HS6ST3: variants seen among roughly 807,000 people sequenced by gnomAD.
HS6ST3 encodes the protein heparan sulfate 6-O-sulfotransferase 3.
HS6ST3 carries 12 observed loss-of-function variants against 36.7 expected under a neutral mutation model. The observed-to-expected ratio is 0.33, with a 90% CI of 0.21 to 0.53. HS6ST3 has a LOEUF of 0.53. Ranked by LOEUF, HS6ST3 falls within the 20% of genes least tolerant of loss-of-function variation. The pLI, the probability that HS6ST3 is intolerant of heterozygous loss-of-function variation, is 0.95. For missense variants in HS6ST3, 584 were observed against 640.9 expected (o/e 0.91, Z 0.96); for synonymous variants, 240 against 257.5 (o/e 0.93, Z 0.65).
rs146217730 is a variant in HS6ST3, at chr13:96,740,456, A to G, written c.708-92034A>G. 8.5e-5 allele frequency among the ~76,000 whole-genome samples: 13 copies of G among 152,346 alleles called. No individual in the cohort carries two copies. In the East Asian group the frequency reaches 2.3e-3, roughly 27 times the overall value. ...TGTATGCTTGTGTTATATATTTAAA[A>G]CAATCAAATTCAATTATTTACAAAC... On this transcript the variant is annotated intron_variant, in intron 1 of 1. Transcript: ENST00000376705.
At chr13:96,374,593 C>A (rs558471164) in intron 1 of HS6ST3, among the ~76,000 whole-genome samples, 10 of 152,232 alleles carry the variant, frequency 6.6e-5, no homozygotes, top group African/African-American at 2.4e-4. Context: ...CCATCTTCTG[C>A]AAAGACCTTG....
chr13:96,667,268 G>A (rs1222788429), intron 1 of HS6ST3, among the ~76,000 whole-genome samples: 3 of 152,134 alleles, frequency 2.0e-5, no homozygotes, highest in Admixed American at 6.5e-5. Flanking sequence ...AAGTTGTAAC[G>A]AAATCTTCTG....
intron 1 of HS6ST3, among the ~76,000 whole-genome samples, chr13:96,548,583 TC>T (rs1387932054): frequency 2.6e-5 from 4 of 152,312 alleles, no homozygotes; most frequent in African/African-American, 9.6e-5. Flanking sequence ...TATGAATCTA[TC>T]TATCTATGTA....
At chr13:96,803,161 T>G (rs1402297624) in intron 1 of HS6ST3, among the ~76,000 whole-genome samples, 1 of 150,628 alleles carries the variant, frequency 6.6e-6, no homozygotes, top group Non-Finnish European at 1.5e-5. Context: ...ATTCCCCCAG[T>G]GGAGGCTGGA....
At chr13:96,504,243 C>T (rs1045031079) in intron 1 of HS6ST3, among the ~76,000 whole-genome samples, 4 of 152,132 alleles carry the variant, frequency 2.6e-5, no homozygotes, top group African/African-American at 9.7e-5. Flanking sequence ...GGTCACATAG[C>T]TGATGAAAGG....
intron 1 of HS6ST3, among the ~76,000 whole-genome samples, chr13:96,316,815 T>G (rs142786781): frequency 2.0e-5 from 3 of 152,192 alleles, no homozygotes; most frequent in Non-Finnish European, 2.9e-5. Context: ...GTATCCCATC[T>G]AAAGCAACAT....
intron 1 of HS6ST3, among the ~76,000 whole-genome samples, chr13:96,092,553 A>G (rs912996767): frequency 1.3e-5 from 2 of 152,224 alleles, no homozygotes; most frequent in African/African-American, 4.8e-5. Flanking sequence ...AAAGGACGAA[A>G]ATATTAAAAG....
chr13:96,602,485 A>G (rs2056425112), intron 1 of HS6ST3, among the ~76,000 whole-genome samples: 1 of 152,152 alleles, frequency 6.6e-6, no homozygotes, highest in Non-Finnish European at 1.5e-5. Flanking sequence ...GGCCTTCTAT[A>G]GCAGGTGTGG....
intron 1 of HS6ST3, among the ~76,000 whole-genome samples, chr13:96,374,633 C>A (rs1334701019): frequency 6.6e-6 from 1 of 152,044 alleles, no homozygotes; most frequent in Non-Finnish European, 1.5e-5. Context: ...TAGATGTTTG[C>A]CATGGGATAA....
At chr13:96,213,843 G>A (rs1056651831) in intron 1 of HS6ST3, among the ~76,000 whole-genome samples, 3 of 152,186 alleles carry the variant, frequency 2.0e-5, no homozygotes, top group Admixed American at 6.5e-5. Context: ...CAGAGTATGT[G>A]TGTCCTAGAT....
intron 1 of HS6ST3, among the ~76,000 whole-genome samples, chr13:96,504,817 T>TA (rs2056019782): frequency 6.6e-6 from 1 of 152,130 alleles, no homozygotes; most frequent in Non-Finnish European, 1.5e-5. Flanking sequence ...GGATGCCTTA[T>TA]AAAAATATAT....
rs531827485 is a variant in HS6ST3 at position 96,268,400 on chromosome 13, C to T, written c.707+176831C>T. The stretch of plus-strand genomic sequence containing the variant: ...AGTGAAGAAGGGGAGGAGCCCTTTA[C>T]AAAACCATCAGATCTTGTGAGAACT... On this transcript the variant is annotated intron_variant, in intron 1 of 1. Transcript: ENST00000376705. Among the ~76,000 whole-genome samples, 10 of 151,964 alleles carry T rather than the reference C, an allele frequency of 6.6e-5. No individual in the cohort carries two copies. The South Asian group carries it at 2.1e-3, about 31-fold the overall frequency.
intron 1 of HS6ST3, among the ~76,000 whole-genome samples, chr13:96,260,467 A>G (rs971163340): frequency 5.3e-5 from 8 of 151,330 alleles, no homozygotes; most frequent in Non-Finnish European, 1.2e-4. Flanking sequence ...GCCCACCACA[A>G]CACCCAGCTA....
chr13:96,146,412 A>T (rs2054058566), intron 1 of HS6ST3, among the ~76,000 whole-genome samples: 1 of 152,056 alleles, frequency 6.6e-6, no homozygotes, highest in South Asian at 2.1e-4. Context: ...ATTCTCTTTG[A>T]AGCAATTGTG....
At chr13:96,502,906 TA>T (rs760715245) in intron 1 of HS6ST3, among the ~76,000 whole-genome samples, 10 of 152,192 alleles carry the variant, frequency 6.6e-5, no homozygotes, top group Non-Finnish European at 1.5e-5. Context: ...AAAAACCTAA[TA>T]GAATCTTCTC....
At chr13:96,231,731 AGTAGGAC>A (rs1426130216) in intron 1 of HS6ST3, among the ~76,000 whole-genome samples, 1 of 152,174 alleles carries the variant, frequency 6.6e-6, no homozygotes, top group African/African-American at 2.4e-5. Context: ...GTAGCAAGAA[AGTAGGAC>A]GTTTTTCTGG....
intron 1 of HS6ST3, among the ~76,000 whole-genome samples, chr13:96,313,076 T>A (rs2054949983): frequency 6.6e-6 from 1 of 152,074 alleles, no homozygotes; most frequent in Non-Finnish European, 1.5e-5. Flanking sequence ...TATTTGTTAG[T>A]ATAAATAGTG....
At chr13:96,224,030 A>G (rs555882645) in intron 1 of HS6ST3, among the ~76,000 whole-genome samples, 1 of 147,600 alleles carries the variant, frequency 6.8e-6, no homozygotes, top group East Asian at 2.0e-4. Flanking sequence ...CTCCTTTTGC[A>G]CAGTATAAAT....
intron 1 of HS6ST3, among the ~76,000 whole-genome samples, chr13:96,806,409 T>C (rs1217974012): frequency 6.6e-6 from 1 of 152,128 alleles, no homozygotes; most frequent in Non-Finnish European, 1.5e-5. Context: ...AATAAATGAT[T>C]AAAATAAAGC....
Sources: gnomAD v4.1 joint callset for allele counts (sites outside exome capture counted in the v4.1 genomes callset) on GRCh38, gnomAD v4.1.1 for gene constraint, MANE v1.5 for transcripts, NCBI Gene and HGNC (gene_info 2026-07-23, HGNC 2026-07-21) for gene names.